Variants in ASB2 observed in about 807,000 individuals in gnomAD.
ASB2 encodes ankyrin repeat and SOCS box containing 2, also known as ankyrin repeat and SOCS box protein 2.
In ASB2, 58 loss-of-function variants were observed where a neutral mutation model predicts 62.4. The observed-to-expected ratio is 0.93, with a 90% CI of 0.75 to 1.16. The LOEUF (loss-of-function observed/expected upper bound fraction) is 1.16, where lower values mean the gene tolerates loss of function less well. Among genes scored for constraint, ASB2 ranks in the 50% most tolerant of loss-of-function variants. ASB2 has a pLI of 0.00. For missense variants in ASB2, 928 were observed against 887.9 expected (o/e 1.05, Z -0.57); for synonymous variants, 386 against 385.3 (o/e 1.00, Z -0.02).
At chr14:93,945,689 T>TG (rs1202614694) in intron 7 of ASB2, among the ~76,000 whole-genome samples, 1 of 151,976 alleles carries the variant, frequency 6.6e-6, no homozygotes, top group Non-Finnish European at 1.5e-5. Flanking sequence ...GTGTATGTAC[T>TG]GGGGGGTGTG....
Position 93,942,315 on chromosome 14 carries a change from C to A in ASB2, c.1053-2643G>T, listed in dbSNP as rs545820093. The A allele has an allele frequency of 1.2e-3, 558 of 455,556 alleles. 10 individuals are homozygous for A. The highest frequency in any genetic ancestry group is 8.6e-3 in the South Asian group (552 of 64,560). The allele number at this position is 455,556 out of a possible 1,614,324, so 28.2% of individuals were successfully genotyped here. On this transcript the variant is annotated intron_variant, in intron 7 of 9. Coordinates refer to ENST00000555019, the MANE Select transcript of ASB2 (RefSeq NM_001202429.2). ...CTGGAAGAATGGCCCCCTACCCCTTCCTTGTCCCCTCCCCAATGCAGAGGC... is the reference window on the plus strand; with the variant it reads ...CTGGAAGAATGGCCCCCTACCCCTTACTTGTCCCCTCCCCAATGCAGAGGC...
chr14:93,956,672 T>A, intron 3 of ASB2, 94 bp downstream of exon 3: 1 of 1,539,386 alleles, frequency 6.5e-7, no homozygotes, highest in Non-Finnish European at 9.0e-7. Flanking sequence ...CCCTCTGCCC[T>A]CCTGGGGGCT....
At position 93,947,467 on chromosome 14, in the gene ASB2, A is replaced by C; in HGVS notation, c.934T>G (p.Cys312Gly). 1 of 1,614,242 alleles carries C rather than the reference A, an allele frequency of 6.2e-7. No homozygotes were observed. Among genetic ancestry groups the C allele is most frequent in the Non-Finnish European group, 8.5e-7 (1 of 1,180,046 alleles). The change falls in exon 7 of 10, where the codon TGC becomes GGC. Residue 312 changes from cysteine to glycine, a missense_variant. Transcript: ENST00000555019. ...ACCACCTCCTCATGCTCATTCTTGC[A>C]GGCCTCGTAGAGGGCAGACGCGTTG... is the stretch of plus-strand genomic sequence containing the variant. ...SDNASALYEA[C>G]KNEHEEVVEF... is the part of the protein sequence containing the mutation.
rs934446288 is a variant in ASB2 at position 93,967,013 on chromosome 14, T to C, written c.-73-2401A>G. 5.9e-5 allele frequency among the ~76,000 whole-genome samples: 9 copies of C among 152,214 alleles called. No homozygotes were observed. In the East Asian group the frequency reaches 1.5e-3, roughly 26 times the overall value. On this transcript the variant is annotated intron_variant, in intron 1 of 9. Coordinates refer to ENST00000555019, the MANE Select transcript of ASB2 (RefSeq NM_001202429.2). Reference sequence around the variant, plus strand: ...TTATTTACAGCAGTAGCAGCAGTTTTATTTATTGTGAAAGGAGCCCAGGAC... The same window carrying C: ...TTATTTACAGCAGTAGCAGCAGTTTCATTTATTGTGAAAGGAGCCCAGGAC...
At chr14:93,938,515 C>T (rs1265811023) in intron 8 of ASB2, among the ~76,000 whole-genome samples, 1 of 152,192 alleles carries the variant, frequency 6.6e-6, no homozygotes, top group East Asian at 1.9e-4. Flanking sequence ...GTTGGGATTA[C>T]AGGCGTGAGC....
chr14:93,947,442 A>G lies in ASB2; in HGVS notation c.959T>C (p.Val320Ala). 6.2e-7 allele frequency: 1 copy of G among 1,614,174 alleles called. No homozygotes were observed. Among genetic ancestry groups the G allele is most frequent in the Non-Finnish European group, 8.5e-7 (1 of 1,180,030 alleles). Residue 320 changes from valine (V) to alanine (A), a missense_variant, in exon 7 of 10, where the codon GTG becomes GCG. Coordinates refer to ENST00000555019, the MANE Select transcript of ASB2 (RefSeq NM_001202429.2). ...GGCACCCTGTGACAGCAGAAACTCC[A>G]CCACCTCCTCATGCTCATTCTTGCA... ...EACKNEHEEV[V>A]EFLLSQGADA...
At position 93,939,679 on chromosome 14, in the gene ASB2, G is replaced by A; in HGVS notation, c.1053-7C>T. 4 of 1,437,842 alleles carry A rather than the reference G, an allele frequency of 2.8e-6. No individual in the cohort carries two copies. The highest frequency in any genetic ancestry group is 2.7e-6 in the Non-Finnish European group (3 of 1,102,956). 89.1% of individuals were successfully genotyped at this position (1,437,842 alleles called of 1,614,324 possible). A position where few individuals can be genotyped will look rare whatever the true frequency, so the allele number is the denominator to read the frequency against. On this transcript the variant is annotated splice_polypyrimidine_tract_variant and splice_region_variant and intron_variant, in intron 7 of 9. Coordinates refer to ENST00000555019, the MANE Select transcript of ASB2 (RefSeq NM_001202429.2). Reference sequence around the variant, plus strand: ...CAGCAGCATCTGCACGATCCTGCCGGGTCGAGGGGCGGGCGCGGGTGAGGG... The same window carrying A: ...CAGCAGCATCTGCACGATCCTGCCGAGTCGAGGGGCGGGCGCGGGTGAGGG...
At position 93,951,255 on chromosome 14, in the gene ASB2, G is replaced by A. The variant is rs1202414104; in HGVS notation, c.635-11C>T. 2.5e-6 allele frequency: 4 copies of A among 1,583,310 alleles called. No individual in the cohort carries two copies. The highest frequency in any genetic ancestry group is 1.3e-5 in the African/African-American group (1 of 74,764). The stretch of plus-strand genomic sequence containing the variant: ...TCTTGCGCTCGCAGGCTGTGCTCAG[G>A]GGGAAGCAGGGATGGTCAGCAGGGC... On this transcript the variant is annotated splice_polypyrimidine_tract_variant and intron_variant, in intron 5 of 9. Coordinates refer to ENST00000555019, the MANE Select transcript of ASB2 (RefSeq NM_001202429.2).
intron 2 of ASB2, among the ~76,000 whole-genome samples, chr14:93,958,298 A>T (rs1439203480): frequency 6.6e-6 from 1 of 152,196 alleles, no homozygotes; most frequent in Non-Finnish European, 1.5e-5. Context: ...TGCCTTTTAC[A>T]GATGAGGACA....
At chr14:93,955,249 C>T (rs987189610) in intron 3 of ASB2, 2 of 443,964 alleles carry the variant, frequency 4.5e-6, no homozygotes, top group South Asian at 3.2e-5. Flanking sequence ...ACACCCACGC[C>T]ATGTTGGGCT....
intron 2 of ASB2, among the ~76,000 whole-genome samples, chr14:93,960,033 C>T (rs775973557): frequency 6.6e-6 from 1 of 151,924 alleles, no homozygotes; most frequent in East Asian, 1.9e-4. Flanking sequence ...ACCACTGTGC[C>T]GTGAGACACA....
chr14:93,973,126 G>C (rs1400029910), intron 1 of ASB2, among the ~76,000 whole-genome samples: 1 of 152,166 alleles, frequency 6.6e-6, no homozygotes, highest in Non-Finnish European at 1.5e-5. Context: ...CTCTTTGTAT[G>C]GAGTAGGGGT....
At chr14:93,938,434 G>A (rs1053094706) in intron 8 of ASB2, among the ~76,000 whole-genome samples, 7 of 151,984 alleles carry the variant, frequency 4.6e-5, no homozygotes, top group African/African-American at 1.7e-4. Context: ...TTAAGACGGG[G>A]TTTCACCGTG....
At chr14:93,971,231 C>T (rs763823655) in intron 1 of ASB2, among the ~76,000 whole-genome samples, 42 of 152,208 alleles carry the variant, frequency 2.8e-4, no homozygotes, top group Non-Finnish European at 4.6e-4. Flanking sequence ...GCAGAGCCTG[C>T]CGGGTGGTCC....
chr14:93,972,068 C>T (rs1023024642), intron 1 of ASB2, among the ~76,000 whole-genome samples: 2 of 147,680 alleles, frequency 1.4e-5, no homozygotes, highest in Non-Finnish European at 1.5e-5. Flanking sequence ...ATATAATATA[C>T]ACACATATAC....
At chr14:93,974,466 C>A (rs1889852435) in intron 1 of ASB2, among the ~76,000 whole-genome samples, 1 of 152,246 alleles carries the variant, frequency 6.6e-6, no homozygotes, top group South Asian at 2.1e-4. Context: ...GGACACTGGG[C>A]AGGCCCAGAG....
chr14:93,944,577 G>C (rs549687603), intron 7 of ASB2, among the ~76,000 whole-genome samples: 112 of 152,346 alleles, frequency 7.4e-4, no homozygotes, highest in Non-Finnish European at 1.4e-3. Context: ...GTATGCCCAG[G>C]GAGGGAGTGA....
intron 8 of ASB2, 140 bp from the exon 9 acceptor site, chr14:93,937,991 A>G: frequency 1.2e-6 from 1 of 862,634 alleles, no homozygotes; most frequent in Non-Finnish European, 1.7e-6. Flanking sequence ...TCCCCTCAAC[A>G]CAGGCTTCTG....
rs987724656 is a variant in ASB2, at chr14:93,939,382, G to A, written c.1343C>T (p.Ala448Val). ...NRDVISPLLV[A>V]IRHGCLRTMQ... ...TGTGCGCAGGCAGCCGTGGCGGATG[G>A]CCACGAGCAAGGGGCTGATGACGTC... is the stretch of plus-strand genomic sequence containing the variant. Residue 448 changes from alanine to valine, a missense_variant, in exon 8 of 10, where the codon GCC becomes GTC. By Grantham distance (64) the Ala-to-Val change is moderately conservative (BLOSUM62 0). Coordinates refer to ENST00000555019, the MANE Select transcript of ASB2 (RefSeq NM_001202429.2). The A allele has an allele frequency of 1.9e-6, 3 of 1,612,762 alleles. No individual in the cohort carries two copies. Among genetic ancestry groups the A allele is most frequent in the African/African-American group, 1.3e-5 (1 of 74,940 alleles).
Sources: allele counts gnomAD v4.1 joint callset (sites outside exome capture counted in the v4.1 genomes callset), GRCh38; gene constraint gnomAD v4.1.1; transcripts MANE v1.5; gene names NCBI Gene and HGNC (gene_info 2026-07-23, HGNC 2026-07-21).